Variants in PDE4B observed in about 807,000 individuals in gnomAD.
PDE4B encodes the protein 3',5'-cyclic-AMP phosphodiesterase 4B.
PDE4B carries 20 observed loss-of-function variants against 82.2 expected under a neutral mutation model. The observed-to-expected ratio is 0.24, with a 90% CI of 0.17 to 0.35. PDE4B has a LOEUF of 0.35. Ranked by LOEUF, PDE4B falls within the 10% of genes least tolerant of loss-of-function variation. The pLI, the probability that PDE4B is intolerant of heterozygous loss-of-function variation, is 1.00. For synonymous variants in PDE4B, 320 were observed against 318.9 expected, an observed-to-expected ratio of 1.00 and a Z score of -0.04; for missense variants, 655 against 907.2, an observed-to-expected ratio of 0.72 and a Z score of 3.57.
intron 3 of PDE4B, among the ~76,000 whole-genome samples, chr1:66,140,198 G>A (rs1646144482): frequency 6.6e-6 from 1 of 152,054 alleles, no homozygotes; most frequent in Non-Finnish European, 1.5e-5. Context: ...TGGAAAGCAG[G>A]GTTTGTTAAC....
At chr1:66,038,066 G>A (rs760267303) in intron 3 of PDE4B, among the ~76,000 whole-genome samples, 3 of 152,030 alleles carry the variant, frequency 2.0e-5, no homozygotes, top group Non-Finnish European at 4.4e-5. Flanking sequence ...GTACAGGATA[G>A]GAGGGCATTA....
chr1:66,008,774 C>T (rs1290954303), intron 3 of PDE4B, among the ~76,000 whole-genome samples: 3 of 151,888 alleles, frequency 2.0e-5, no homozygotes, highest in Non-Finnish European at 2.9e-5. Context: ...ATATAATGAC[C>T]AATTCCTTCA....
intron 3 of PDE4B, among the ~76,000 whole-genome samples, chr1:66,004,169 G>A (rs1266195334): frequency 6.6e-6 from 1 of 152,142 alleles, no homozygotes. Flanking sequence ...TGTGTATGAT[G>A]GTTAGTATAA....
chr1:66,124,316 A>G (rs1645774907), intron 3 of PDE4B, among the ~76,000 whole-genome samples: 1 of 152,226 alleles, frequency 6.6e-6, no homozygotes, highest in Admixed American at 6.5e-5. Flanking sequence ...GTAATACGAA[A>G]CAGGATCTAA....
At chr1:65,877,720 A>G (rs531214327) in intron 1 of PDE4B, among the ~76,000 whole-genome samples, 2 of 152,032 alleles carry the variant, frequency 1.3e-5, no homozygotes, top group South Asian at 4.2e-4. Context: ...CTTACACCCT[A>G]TACAAAAATT....
intron 3 of PDE4B, among the ~76,000 whole-genome samples, chr1:66,030,037 GTT>G (rs5774786): frequency 3.1e-4 from 45 of 144,362 alleles, no homozygotes; most frequent in Non-Finnish European, 4.7e-4. Flanking sequence ...TCTGTTGAGG[GTT>G]TTTTTTTTTT....
At chr1:65,965,477 T>C (rs909233703) in intron 3 of PDE4B, among the ~76,000 whole-genome samples, 1 of 151,598 alleles carries the variant, frequency 6.6e-6, no homozygotes, top group African/African-American at 2.4e-5. Flanking sequence ...TTTCATAGGT[T>C]TAAATATTAA....
At chr1:66,218,880 A>T (rs1009222110) in intron 3 of PDE4B, among the ~76,000 whole-genome samples, 14 of 152,138 alleles carry the variant, frequency 9.2e-5, no homozygotes, top group Non-Finnish European at 1.8e-4. Context: ...AGCTATCTTT[A>T]AAAAAGCTGT....
intron 1 of PDE4B, among the ~76,000 whole-genome samples, chr1:65,859,187 T>A (rs1399676828): frequency 6.6e-6 from 1 of 152,094 alleles, no homozygotes; most frequent in Non-Finnish European, 1.5e-5. Context: ...TAATAATGTT[T>A]AGATTTTCTA....
At chr1:66,309,944 A>G (rs546685018) in intron 7 of PDE4B, among the ~76,000 whole-genome samples, 2 of 152,092 alleles carry the variant, frequency 1.3e-5, no homozygotes, top group Non-Finnish European at 2.9e-5. Context: ...AGTACCTGCC[A>G]GGCTCTCCCA....
At chr1:66,083,050 C>A (rs1225250457) in intron 3 of PDE4B, among the ~76,000 whole-genome samples, 1 of 152,152 alleles carries the variant, frequency 6.6e-6, no homozygotes, top group African/African-American at 2.4e-5. Context: ...CCTTTGCAGT[C>A]TTCTGCCGCC....
intron 3 of PDE4B, among the ~76,000 whole-genome samples, chr1:66,131,105 C>G (rs1416339693): frequency 6.6e-6 from 1 of 152,088 alleles, no homozygotes; most frequent in Non-Finnish European, 1.5e-5. Flanking sequence ...TTTTCAATTT[C>G]AGGTTGGCAG....
intron 3 of PDE4B, among the ~76,000 whole-genome samples, chr1:66,047,663 G>A (rs1415551090): frequency 6.6e-6 from 1 of 151,872 alleles, no homozygotes; most frequent in Non-Finnish European, 1.5e-5. Flanking sequence ...TAACTCCAAG[G>A]CTATATGGAT....
chr1:65,925,612 G>T (rs982384112), intron 3 of PDE4B, among the ~76,000 whole-genome samples: 4 of 152,076 alleles, frequency 2.6e-5, no homozygotes, highest in African/African-American at 7.2e-5. Flanking sequence ...ATCACATAAT[G>T]TGTAATATTT....
At chr1:66,088,659 A>G (rs1399001866) in intron 3 of PDE4B, among the ~76,000 whole-genome samples, 3 of 152,086 alleles carry the variant, frequency 2.0e-5, no homozygotes, top group African/African-American at 7.2e-5. Context: ...TTCAATGTCA[A>G]TACTATTGAA....
intron 6 of PDE4B, among the ~76,000 whole-genome samples, chr1:66,259,173 C>T (rs1202451249): frequency 1.3e-5 from 2 of 152,058 alleles, no homozygotes; most frequent in South Asian, 4.1e-4. Context: ...TCTATTTATC[C>T]ATCCAACTAG....
At chr1:66,082,516 G>T (rs1557547848) in intron 3 of PDE4B, among the ~76,000 whole-genome samples, 1 of 151,892 alleles carries the variant, frequency 6.6e-6, no homozygotes, top group Non-Finnish European at 1.5e-5. Flanking sequence ...TTGAATCTTG[G>T]CTCTGTCATT....
chr1:65,945,602 C>T (rs1290397584), intron 3 of PDE4B, among the ~76,000 whole-genome samples: 1 of 151,950 alleles, frequency 6.6e-6, no homozygotes, highest in African/African-American at 2.4e-5. Flanking sequence ...CAACATTCAT[C>T]AACAGCAGTT....
At chr1:66,099,403 A>G (rs564699031) in intron 3 of PDE4B, among the ~76,000 whole-genome samples, 35 of 152,232 alleles carry the variant, frequency 2.3e-4, no homozygotes, top group African/African-American at 7.7e-4. Flanking sequence ...TGTATTTGCT[A>G]TTGTGAATAG....
Sources: allele counts gnomAD v4.1 joint callset (sites outside exome capture counted in the v4.1 genomes callset), GRCh38; gene constraint gnomAD v4.1.1; transcripts MANE v1.5; gene names NCBI Gene and HGNC (gene_info 2026-07-23, HGNC 2026-07-21).